The following CDKAL1 variants were observed in gnomAD, a reference collection of about 807,000 sequenced individuals.
CDKAL1 encodes CDKAL1 threonylcarbamoyladenosine tRNA methylthiotransferase, also known as threonylcarbamoyladenosine tRNA methylthiotransferase.
CDKAL1 carries 32 observed loss-of-function variants against 68.2 expected under a neutral mutation model. That is an observed-to-expected ratio of 0.47 (90% CI 0.35 to 0.63). The LOEUF is 0.63. Ranked by LOEUF, CDKAL1 falls within the 30% of genes least tolerant of loss-of-function variation. CDKAL1 has a pLI of 0.00. For missense variants in CDKAL1, 606 were observed against 696.7 expected (o/e 0.87, Z 1.47); for synonymous variants, 234 against 244.3 (o/e 0.96, Z 0.39).
At chr6:20,621,761 T>C (rs1767201762) in intron 4 of CDKAL1, among the ~76,000 whole-genome samples, 1 of 143,278 alleles carries the variant, frequency 7.0e-6, no homozygotes, top group African/African-American at 2.6e-5. Flanking sequence ...TGTGTCCCTT[T>C]GCATACCTCA....
chr6:21,077,621 G>T (rs1342252982), intron 12 of CDKAL1, among the ~76,000 whole-genome samples: 1 of 152,196 alleles, frequency 6.6e-6, no homozygotes, highest in East Asian at 1.9e-4. Context: ...AAAGGGGCAG[G>T]GGGAAGTGCT....
intron 5 of CDKAL1, among the ~76,000 whole-genome samples, chr6:20,681,858 G>A (rs1199701384): frequency 6.6e-6 from 1 of 152,134 alleles, no homozygotes; most frequent in Non-Finnish European, 1.5e-5. Context: ...ATACCATAGA[G>A]CAGGTGGGTT....
chr6:20,853,850 G>T (rs1759177596), intron 9 of CDKAL1, among the ~76,000 whole-genome samples: 1 of 152,206 alleles, frequency 6.6e-6, no homozygotes, highest in Non-Finnish European at 1.5e-5. Flanking sequence ...GAAGGAGTCT[G>T]AGGAAAAACC....
intron 11 of CDKAL1, among the ~76,000 whole-genome samples, chr6:21,010,639 G>A (rs917563443): frequency 2.0e-5 from 3 of 152,194 alleles, no homozygotes; most frequent in African/African-American, 7.2e-5. Flanking sequence ...AATCAAGGGA[G>A]CATGTACAGT....
chr6:20,829,825 G>A (rs1454458531), intron 8 of CDKAL1, among the ~76,000 whole-genome samples: 1 of 152,162 alleles, frequency 6.6e-6, no homozygotes, highest in Non-Finnish European at 1.5e-5. Context: ...ATATGATACT[G>A]AATTCATTTA....
chr6:21,024,150 A>G (rs1000497712), intron 11 of CDKAL1, among the ~76,000 whole-genome samples: 3 of 152,190 alleles, frequency 2.0e-5, no homozygotes, highest in Non-Finnish European at 4.4e-5. Context: ...TACACTTACT[A>G]TTATGAGATG....
At chr6:20,959,056 G>C (rs74396872) in intron 10 of CDKAL1, among the ~76,000 whole-genome samples, 3,058 of 152,190 alleles carry the variant, frequency 0.02, 109 homozygotes, top group African/African-American at 0.069. Context: ...CTTAACACAG[G>C]ATCACTTTTA....
chr6:20,696,840 CAA>C (rs1554182235), intron 5 of CDKAL1, among the ~76,000 whole-genome samples: 2 of 152,124 alleles, frequency 1.3e-5, no homozygotes, highest in Non-Finnish European at 2.9e-5. Flanking sequence ...GGACTTGATG[CAA>C]ACAGTATGTG....
At chr6:20,766,510 A>T (rs888923727) in intron 7 of CDKAL1, among the ~76,000 whole-genome samples, 1 of 152,142 alleles carries the variant, frequency 6.6e-6, no homozygotes, top group Admixed American at 6.5e-5. Flanking sequence ...TGGTATCCCC[A>T]TCTTTCTTTG....
chr6:20,832,582 A>G (rs1393244332), intron 8 of CDKAL1, among the ~76,000 whole-genome samples: 1 of 152,058 alleles, frequency 6.6e-6, no homozygotes, highest in Non-Finnish European at 1.5e-5. Flanking sequence ...CTTGAGCCCA[A>G]GAGTTCGAGG....
intron 11 of CDKAL1, among the ~76,000 whole-genome samples, chr6:21,001,763 C>G (rs1039167912): frequency 1.3e-5 from 2 of 152,146 alleles, no homozygotes; most frequent in Admixed American, 6.6e-5. Flanking sequence ...TAAAAGAGTT[C>G]TTTTGGGCAC....
chr6:20,562,965 A>G (rs1764323714), intron 4 of CDKAL1, among the ~76,000 whole-genome samples: 1 of 152,152 alleles, frequency 6.6e-6, no homozygotes, highest in Non-Finnish European at 1.5e-5. Context: ...TGTAGTGCTT[A>G]TGGCTCATCC....
intron 4 of CDKAL1, among the ~76,000 whole-genome samples, chr6:20,612,990 T>TACACACACACACACACACAC (rs55999857): frequency 7.7e-6 from 1 of 129,992 alleles, no homozygotes; most frequent in Non-Finnish European, 1.6e-5. Flanking sequence ...TTGCAATTTC[T>TACACACACACACACACACAC]ACACACACAC....
At chr6:20,924,315 G>A (rs1200548752) in intron 9 of CDKAL1, among the ~76,000 whole-genome samples, 1 of 150,764 alleles carries the variant, frequency 6.6e-6, no homozygotes, top group African/African-American at 2.4e-5. Context: ...GCAGTGAGCT[G>A]AGATCACACC....
At chr6:21,220,278 G>C (rs1350446562) in intron 15 of CDKAL1, among the ~76,000 whole-genome samples, 1 of 152,142 alleles carries the variant, frequency 6.6e-6, no homozygotes, top group Non-Finnish European at 1.5e-5. Flanking sequence ...TAGCAGAAGA[G>C]ACTTAAATGA....
At chr6:21,225,336 C>G (rs951982511) in intron 15 of CDKAL1, among the ~76,000 whole-genome samples, 3 of 152,138 alleles carry the variant, frequency 2.0e-5, no homozygotes, top group Non-Finnish European at 4.4e-5. Context: ...GCTTTACCAT[C>G]TCAGAGCCCG....
chr6:20,878,354 C>T (rs529555218), intron 9 of CDKAL1, among the ~76,000 whole-genome samples: 36 of 152,196 alleles, frequency 2.4e-4, no homozygotes, highest in Non-Finnish European at 4.3e-4. Context: ...GCTTTGCTTA[C>T]CTGTCACAGA....
At chr6:20,572,387 T>C (rs1000879877) in intron 4 of CDKAL1, among the ~76,000 whole-genome samples, 3 of 152,096 alleles carry the variant, frequency 2.0e-5, no homozygotes, top group African/African-American at 7.2e-5. Context: ...CGACTTGGAG[T>C]GACTACTGAC....
intron 13 of CDKAL1, among the ~76,000 whole-genome samples, chr6:21,191,300 G>A (rs1289499801): frequency 6.6e-6 from 1 of 152,192 alleles, no homozygotes; most frequent in Non-Finnish European, 1.5e-5. Context: ...ATGCAAGTGT[G>A]TGTTTTATCT....
Sources: gnomAD v4.1 joint callset for allele counts (sites outside exome capture counted in the v4.1 genomes callset) on GRCh38, gnomAD v4.1.1 for gene constraint, MANE v1.5 for transcripts, NCBI Gene and HGNC (gene_info 2026-07-23, HGNC 2026-07-21) for gene names.